Variants in SPAG16 observed in about 807,000 individuals in gnomAD.
The protein encoded by SPAG16 is sperm-associated antigen 16 protein.
A neutral mutation model predicts 80.4 loss-of-function variants in SPAG16; 86 were observed. That is an observed-to-expected ratio of 1.07 (90% CI 0.90 to 1.28). The LOEUF (loss-of-function observed/expected upper bound fraction) is 1.28, where lower values mean the gene tolerates loss of function less well. Among genes scored for constraint, SPAG16 ranks in the 50% most tolerant of loss-of-function variants. The pLI, the probability that SPAG16 is intolerant of heterozygous loss-of-function variation, is 0.00. For missense variants in SPAG16, 870 were observed against 765.3 expected (o/e 1.14, Z -1.61); for synonymous variants, 294 against 265.9 (o/e 1.11, Z -1.03).
chr2:213,402,420 T>C lies in SPAG16; in HGVS notation c.942+27301T>C, dbSNP rs114199830. 2.2e-3 allele frequency among the ~76,000 whole-genome samples: 330 copies of C among 152,216 alleles called. 1 individual carries two copies. Among genetic ancestry groups the C allele is most frequent in the African/African-American group, 7.6e-3 (314 of 41,584 alleles). The stretch of plus-strand genomic sequence containing the variant: ...AATTCCCAAAAATTTATTTATAGTT[T>C]TTTTTAAATTTTATTATTATTATAC... On this transcript the variant is annotated intron_variant, in intron 9 of 15. Coordinates refer to ENST00000331683, the MANE Select transcript of SPAG16 (RefSeq NM_024532.5).
intron 10 of SPAG16, among the ~76,000 whole-genome samples, chr2:213,809,227 G>A (rs1032444773): frequency 6.6e-6 from 1 of 152,136 alleles, no homozygotes; most frequent in African/African-American, 2.4e-5. Context: ...CAATTATTAG[G>A]AATTCTCTGG....
chr2:213,433,127 T>C (rs1327507954), intron 9 of SPAG16, among the ~76,000 whole-genome samples: 1 of 152,180 alleles, frequency 6.6e-6, no homozygotes, highest in Non-Finnish European at 1.5e-5. Context: ...AGGGCATATA[T>C]GACAAATCCA....
intron 12 of SPAG16, among the ~76,000 whole-genome samples, chr2:214,006,558 C>T (rs2124914001): frequency 6.6e-6 from 1 of 152,260 alleles, no homozygotes; most frequent in African/African-American, 2.4e-5. Flanking sequence ...AGAGCTATTG[C>T]TTGTGAACTT....
intron 13 of SPAG16, among the ~76,000 whole-genome samples, chr2:214,047,396 A>G (rs1394774829): frequency 1.3e-5 from 2 of 152,130 alleles, no homozygotes; most frequent in African/African-American, 4.8e-5. Context: ...CCACACACCT[A>G]CAGTGAACTC....
chr2:213,607,423 T>C (rs1283929531), intron 10 of SPAG16, among the ~76,000 whole-genome samples: 1 of 152,214 alleles, frequency 6.6e-6, no homozygotes, highest in Non-Finnish European at 1.5e-5. Flanking sequence ...TATTGGTAGA[T>C]GCTCTGTACC....
intron 15 of SPAG16, among the ~76,000 whole-genome samples, chr2:214,202,545 G>A (rs1358237757): frequency 1.3e-5 from 2 of 152,050 alleles, no homozygotes; most frequent in African/African-American, 2.4e-5. Context: ...GGTCACCATC[G>A]GGGCAGAGGT....
chr2:213,706,096 G>T (rs1464733373), intron 10 of SPAG16, among the ~76,000 whole-genome samples: 1 of 152,172 alleles, frequency 6.6e-6, no homozygotes, highest in Non-Finnish European at 1.5e-5. Flanking sequence ...GTATCATTTT[G>T]GAAATTGCTG....
intron 10 of SPAG16, among the ~76,000 whole-genome samples, chr2:213,832,637 G>A (rs958446690): frequency 1.6e-4 from 25 of 152,068 alleles, no homozygotes; most frequent in African/African-American, 5.8e-4. Context: ...ACACAGAGAG[G>A]CCAAGAAGAA....
At chr2:214,228,283 A>T (rs1346511059) in intron 15 of SPAG16, among the ~76,000 whole-genome samples, 1 of 151,994 alleles carries the variant, frequency 6.6e-6, no homozygotes. Context: ...TTCAATATGC[A>T]TATAATTGAA....
chr2:213,531,495 G>A (rs189993670), intron 10 of SPAG16, among the ~76,000 whole-genome samples: 1 of 151,880 alleles, frequency 6.6e-6, no homozygotes, highest in African/African-American at 2.4e-5. Flanking sequence ...GTGGGGAGTA[G>A]CTGCAAGATG....
intron 9 of SPAG16, among the ~76,000 whole-genome samples, chr2:213,449,218 T>C (rs1045576613): frequency 1.1e-4 from 17 of 152,286 alleles, no homozygotes; most frequent in Admixed American, 8.5e-4. Flanking sequence ...CTGGTAAATT[T>C]GTGGTCAGAC....
At chr2:214,341,491 A>G (rs747133544) in intron 15 of SPAG16, among the ~76,000 whole-genome samples, 17 of 152,224 alleles carry the variant, frequency 1.1e-4, no homozygotes, top group Admixed American at 6.5e-4. Flanking sequence ...GTCTGCAGAG[A>G]AGGAAACTTG....
chr2:214,385,565 C>T (rs571216702), intron 15 of SPAG16, among the ~76,000 whole-genome samples: 5 of 152,222 alleles, frequency 3.3e-5, no homozygotes, highest in Admixed American at 6.5e-5. Context: ...AACTCTAGGC[C>T]GGGCACAGTG....
chr2:214,000,087 G>T (rs1456298695), intron 12 of SPAG16, among the ~76,000 whole-genome samples: 1 of 152,126 alleles, frequency 6.6e-6, no homozygotes, highest in South Asian at 2.1e-4. Context: ...AGGCATAATT[G>T]GTTTTCAAAT....
chr2:213,790,120 T>C (rs1480395388), intron 10 of SPAG16, among the ~76,000 whole-genome samples: 1 of 151,900 alleles, frequency 6.6e-6, no homozygotes, highest in Admixed American at 6.6e-5. Flanking sequence ...CCCAGTGGAG[T>C]ACCTTTGTTC....
chr2:214,343,933 A>G (rs764543879), intron 15 of SPAG16, among the ~76,000 whole-genome samples: 2 of 152,200 alleles, frequency 1.3e-5, no homozygotes, highest in Non-Finnish European at 2.9e-5. Context: ...TTTAGAATGC[A>G]GTTCTGGGTC....
chr2:213,693,622 C>T (rs1450639926), intron 10 of SPAG16, among the ~76,000 whole-genome samples: 1 of 152,120 alleles, frequency 6.6e-6, no homozygotes, highest in African/African-American at 2.4e-5. Flanking sequence ...TATTCTTTTC[C>T]TTATAGAATG....
chr2:213,285,361 G>C lies in SPAG16; in HGVS notation c.136+742G>C, dbSNP rs181377842. 2.9e-4 allele frequency among the ~76,000 whole-genome samples: 44 copies of C among 152,290 alleles called. 1 individual carries two copies. Among genetic ancestry groups the C allele is most frequent in the Middle Eastern group, 3.4e-3 (1 of 294 alleles). On this transcript the variant is annotated intron_variant, in intron 1 of 15. Transcript: ENST00000331683. ...CCACTATTTCTTGTGTAAGGCTTTAGAACTTCTTTCCTCTAGTTATATAGA... is the reference window on the plus strand; with the variant it reads ...CCACTATTTCTTGTGTAAGGCTTTACAACTTCTTTCCTCTAGTTATATAGA...
At chr2:213,409,570 A>T (rs896284572) in intron 9 of SPAG16, among the ~76,000 whole-genome samples, 1 of 152,224 alleles carries the variant, frequency 6.6e-6, no homozygotes, top group Non-Finnish European at 1.5e-5. Flanking sequence ...AACAAAAATT[A>T]TAAAAGGTTA....
Sources: allele counts gnomAD v4.1 joint callset (sites outside exome capture counted in the v4.1 genomes callset), GRCh38; gene constraint gnomAD v4.1.1; transcripts MANE v1.5; gene names NCBI Gene and HGNC (gene_info 2026-07-23, HGNC 2026-07-21).